DYDC1: variants seen among roughly 807,000 people sequenced by gnomAD.
DYDC1 encodes the protein DPY30 domain-containing protein 1.
A neutral mutation model predicts 27.9 loss-of-function variants in DYDC1; 21 were observed. That is an observed-to-expected ratio of 0.75 (90% CI 0.53 to 1.08). The LOEUF (loss-of-function observed/expected upper bound fraction) is 1.08. Ranked by LOEUF, DYDC1 falls within the 50% of genes least tolerant of loss-of-function variation. DYDC1 has a pLI of 0.00. For synonymous variants in DYDC1, 67 were observed against 65.8 expected, an observed-to-expected ratio of 1.02 and a Z score of -0.09; for missense variants, 202 against 205.9, an observed-to-expected ratio of 0.98 and a Z score of 0.12.
intron 4 of DYDC1, 59 bp downstream of exon 4, chr10:80,342,210 C>T: frequency 6.5e-7 from 1 of 1,529,576 alleles, no homozygotes; most frequent in Admixed American, 1.7e-5. Context: ...CTGAAATAAA[C>T]AGTTTGAAGA....
chr10:80,347,276 C>CTTT (rs556362145), intron 3 of DYDC1, among the ~76,000 whole-genome samples: 5 of 90,108 alleles, frequency 5.5e-5, no homozygotes, highest in African/African-American at 1.3e-4. Context: ...AATTGGGATC[C>CTTT]TTTTTTTTTT....
intron 3 of DYDC1, among the ~76,000 whole-genome samples, chr10:80,342,771 A>G (rs1351151127): frequency 2.0e-5 from 3 of 152,288 alleles, no homozygotes; most frequent in Middle Eastern, 3.4e-3. Flanking sequence ...ATCTGAGGTC[A>G]GGAGTTTGAG....
chr10:80,344,049 G>A (rs1043200897), intron 3 of DYDC1, among the ~76,000 whole-genome samples: 1 of 152,140 alleles, frequency 6.6e-6, no homozygotes, highest in Non-Finnish European at 1.5e-5. Flanking sequence ...CTGGGAGGTA[G>A]AGGTTGCAGT....
At chr10:80,347,540 A>G (rs1369116667) in intron 3 of DYDC1, among the ~76,000 whole-genome samples, 2 of 152,088 alleles carry the variant, frequency 1.3e-5, no homozygotes, top group Non-Finnish European at 2.9e-5. Context: ...AATGTCAAGG[A>G]GCTTTTTCTA....
chr10:80,352,427 A>G, intron 2 of DYDC1, 28 bp downstream of exon 2: 1 of 1,534,418 alleles, frequency 6.5e-7, no homozygotes, highest in Non-Finnish European at 8.7e-7. Flanking sequence ...TTTTTCTTCT[A>G]ATTTCCTAGA....
chr10:80,354,129 A>AATATAT (rs1208621866), intron 1 of DYDC1, among the ~76,000 whole-genome samples: 1 of 147,602 alleles, frequency 6.8e-6, no homozygotes, highest in African/African-American at 2.5e-5. Flanking sequence ...TATAAAAAAA[A>AATATAT]ATATATATAT....
At chr10:80,337,979 T>C in intron 6 of DYDC1, 1 of 651,026 alleles carries the variant, frequency 1.5e-6, no homozygotes, top group Non-Finnish European at 1.9e-6. Flanking sequence ...GTTTCTCCCC[T>C]GACAATAAAC....
chr10:80,344,517 C>A (rs1355879731), intron 3 of DYDC1, among the ~76,000 whole-genome samples: 1 of 152,120 alleles, frequency 6.6e-6, no homozygotes, highest in Non-Finnish European at 1.5e-5. Context: ...ACTGAAAAAC[C>A]AAACCTCTAT....
At chr10:80,345,494 C>T (rs1842559624) in intron 3 of DYDC1, among the ~76,000 whole-genome samples, 1 of 152,124 alleles carries the variant, frequency 6.6e-6, no homozygotes, top group Non-Finnish European at 1.5e-5. Context: ...GGCTATCATC[C>T]TCATGCTGTA....
intron 4 of DYDC1, among the ~76,000 whole-genome samples, chr10:80,341,442 C>CAAAAAAAAAAAAAAA (rs58419721): frequency 6.6e-4 from 31 of 46,648 alleles, no homozygotes; most frequent in African/African-American, 9.2e-4. Flanking sequence ...GACTCTGTCT[C>CAAAAAAAAAAAAAAA]AAAAAAAAAA....
chr10:80,342,151 T>C (rs1842349578), intron 4 of DYDC1, 118 bp downstream of exon 4: 2 of 908,352 alleles, frequency 2.2e-6, no homozygotes, highest in Admixed American at 2.4e-5. Context: ...ACACAGCTAG[T>C]ATGTGGCATG....
intron 3 of DYDC1, among the ~76,000 whole-genome samples, chr10:80,343,649 T>C (rs1345773546): frequency 6.6e-6 from 1 of 151,964 alleles, no homozygotes; most frequent in Non-Finnish European, 1.5e-5. Context: ...TAGTGAATTT[T>C]GAATGTCGCA....
intron 1 of DYDC1, 68 bp from the exon 2 acceptor site, chr10:80,352,678 A>G: frequency 1.3e-6 from 2 of 1,503,204 alleles, no homozygotes; most frequent in Non-Finnish European, 1.8e-6. Context: ...ACTAAAGTCC[A>G]GTGAGGTGAA....
At chr10:80,336,274 T>C (rs1842132998) in intron 6 of DYDC1, 89 bp from the exon 7 acceptor site, 1 of 1,454,260 alleles carries the variant, frequency 6.9e-7, no homozygotes, top group Non-Finnish European at 9.0e-7. Flanking sequence ...AGGTAACTTC[T>C]ATGTGACTAC....
intron 6 of DYDC1, chr10:80,337,485 A>G (rs775499276): frequency 2.0e-5 from 19 of 968,720 alleles, no homozygotes; most frequent in Non-Finnish European, 2.3e-5. Flanking sequence ...CTACTTCTCC[A>G]TTTTCTTCCC....
In DYDC1 at chr10:80,342,320, C is replaced by T. The variant is rs757248612; in HGVS notation, c.291G>A (p.Lys97=). Residue 97 remains lysine (K), a synonymous_variant, in exon 4 of 7, where the codon AAG becomes AAA. Coordinates refer to ENST00000372202, the MANE Select transcript of DYDC1 (RefSeq NM_001269053.2). ...GTAGTTCTTGTATTCTCTGCCTCTC[C>T]TTTTCTTGCATTTCCAACTCTAGCT... ...ALQLELEMQE[K]ERQRIQELQR... is the part of the protein sequence containing the mutation. 1.2e-6 allele frequency: 2 copies of T among 1,613,778 alleles called. No homozygotes were observed. Among genetic ancestry groups the T allele is most frequent in the East Asian group, 4.5e-5 (2 of 44,858 alleles).
intron 3 of DYDC1, among the ~76,000 whole-genome samples, chr10:80,343,265 C>T (rs1361009255): frequency 1.3e-5 from 2 of 152,158 alleles, no homozygotes; most frequent in Admixed American, 1.3e-4. Context: ...TATTGAAACA[C>T]AGCCATGCTA....
At chr10:80,356,090 T>C (rs542854036) in intron 1 of DYDC1, among the ~76,000 whole-genome samples, 16 of 152,098 alleles carry the variant, frequency 1.1e-4, no homozygotes, top group South Asian at 2.1e-4. Flanking sequence ...AGAAAACTTC[T>C]GGCCTACCAG....
At chr10:80,354,559 T>A (rs1290368757) in intron 1 of DYDC1, 1 of 151,840 alleles carries the variant, frequency 6.6e-6, no homozygotes, top group East Asian at 1.9e-4. Context: ...TACAAAACTA[T>A]TGTGAATTGA....
Sources: gnomAD v4.1 joint callset for allele counts (sites outside exome capture counted in the v4.1 genomes callset) on GRCh38, gnomAD v4.1.1 for gene constraint, MANE v1.5 for transcripts, NCBI Gene and HGNC (gene_info 2026-07-23, HGNC 2026-07-21) for gene names.